Variants in NHSL1 observed in about 807,000 individuals in gnomAD.
The protein encoded by NHSL1 is NHS like 1, also known as NHS-like protein 1.
In NHSL1, 48 loss-of-function variants were observed where a neutral mutation model predicts 95.0. That is an observed-to-expected ratio of 0.51 (90% CI 0.40 to 0.64). The LOEUF (loss-of-function observed/expected upper bound fraction) is 0.64, where lower values mean the gene tolerates loss of function less well. NHSL1 is among the 30% of genes least tolerant of loss of function. The probability of loss-of-function intolerance (pLI) is 0.00; values close to 1 mark genes in which losing one functional copy is unlikely to be tolerated. For missense variants in NHSL1, 1,971 were observed against 2,077.7 expected, an observed-to-expected ratio of 0.95 and a Z score of 1.00; for synonymous variants, 783 against 833.9, an observed-to-expected ratio of 0.94 and a Z score of 1.05.
At chr6:138,576,090 T>C (rs1783967423), upstream of NHSL1, among the ~76,000 whole-genome samples, 1 of 152,036 alleles carries the variant, frequency 6.6e-6, no homozygotes, top group Admixed American at 6.6e-5. Flanking sequence ...CTCCCGGGTT[T>C]AAGCGATTCT....
upstream of NHSL1, among the ~76,000 whole-genome samples, chr6:138,692,882 G>C (rs959951559): frequency 1.3e-5 from 2 of 150,808 alleles, no homozygotes; most frequent in African/African-American, 2.4e-5. The surrounding 1 kb of genome is among the most constrained non-coding windows in gnomAD (Gnocchi z 4.0). Context: ...AGGGAAGCCT[G>C]GCGGCCCCTG....
intron 1 of NHSL1, among the ~76,000 whole-genome samples, chr6:138,554,914 AAT>A (rs1238352269): frequency 5.3e-5 from 8 of 152,222 alleles, no homozygotes; most frequent in African/African-American, 1.9e-4. Context: ...AAACTTCAGG[AAT>A]AGTGAGTTAC....
chr6:138,601,359 T>C (rs1449784670), intron 1 of NHSL1, among the ~76,000 whole-genome samples: 1 of 152,248 alleles, frequency 6.6e-6, no homozygotes, highest in Non-Finnish European at 1.5e-5. Context: ...GGCAATCTGT[T>C]AGAAAACCCT....
chr6:138,442,381 G>C (rs984912802), intron 4 of NHSL1, among the ~76,000 whole-genome samples: 1 of 152,140 alleles, frequency 6.6e-6, no homozygotes, highest in Non-Finnish European at 1.5e-5. Context: ...ATAACACACT[G>C]GAAGAGTCAC....
chr6:138,596,296 T>C (rs1784302405), intron 1 of NHSL1, among the ~76,000 whole-genome samples: 2 of 152,128 alleles, frequency 1.3e-5, no homozygotes, highest in African/African-American at 4.8e-5. Context: ...AGGGTTCCCA[T>C]CCACCAGCAC....
At chr6:138,426,859 G>A (rs541391348) in intron 7 of NHSL1, among the ~76,000 whole-genome samples, 4 of 152,310 alleles carry the variant, frequency 2.6e-5, no homozygotes, top group African/African-American at 7.2e-5. Context: ...GTTAACAAGA[G>A]CAGTCTGCCC....
intron 1 of NHSL1, among the ~76,000 whole-genome samples, chr6:138,556,867 T>A (rs777206687): frequency 6.6e-6 from 1 of 152,052 alleles, no homozygotes; most frequent in African/African-American, 2.4e-5. Context: ...AACAAGAACA[T>A]GAAATAGAAA....
chr6:138,489,158 G>A (rs1449209576), intron 2 of NHSL1, among the ~76,000 whole-genome samples: 1 of 152,080 alleles, frequency 6.6e-6, no homozygotes, highest in African/African-American at 2.4e-5. Flanking sequence ...AAATCCTGAG[G>A]CCATTTGAGA....
intron 1 of NHSL1, among the ~76,000 whole-genome samples, chr6:138,557,981 T>C (rs2128337831): frequency 6.6e-6 from 1 of 152,374 alleles, no homozygotes; most frequent in East Asian, 1.9e-4. Context: ...TTTAGAATTC[T>C]GAAAGATGAA....
chr6:138,508,177 A>G (rs946531192), intron 1 of NHSL1, among the ~76,000 whole-genome samples: 1 of 152,342 alleles, frequency 6.6e-6, no homozygotes, highest in Admixed American at 6.5e-5. Context: ...ATGCTATGAA[A>G]AAAAGAAACC....
chr6:138,635,825 C>T (rs144249696), intron 1 of NHSL1, among the ~76,000 whole-genome samples: 66 of 151,798 alleles, frequency 4.3e-4, no homozygotes, highest in South Asian at 2.5e-3. Flanking sequence ...CTCAACAATA[C>T]ATTAGAGGCC....
intron 3 of NHSL1, among the ~76,000 whole-genome samples, chr6:138,462,886 C>T (rs1778091004): frequency 6.6e-6 from 1 of 151,962 alleles, no homozygotes; most frequent in Non-Finnish European, 1.5e-5. Flanking sequence ...AAAATGTGGG[C>T]AAAGAAGTGA....
In NHSL1 at chr6:138,424,138, A is replaced by T. The variant is rs1304875033; in HGVS notation, c.4764T>A (p.Ser1588Arg). The T allele has an allele frequency of 7.0e-7, 1 of 1,435,358 alleles. No homozygotes were observed. The highest frequency in any genetic ancestry group is 1.4e-5 in the African/African-American group (1 of 69,782). The allele number at this position is 1,435,358 out of a possible 1,614,324, so 88.9% of individuals were successfully genotyped here. ...GTGGGGAGGGCTCTCTGCCCTCTGC[A>T]CTGGCTGTCCCATCCACAGGGCCGG... ...QAPGPVDGTASAEGREPSPQC... is the reference protein window; with the variant it reads ...QAPGPVDGTARAEGREPSPQC... The change falls in exon 8 of 8, where the codon AGT becomes AGA. Residue 1588 changes from serine (S) to arginine (R), a missense_variant. Coordinates refer to ENST00000343505, the MANE Select transcript of NHSL1 (RefSeq NM_001144060.2). The surrounding 1 kb of genome is among the most constrained non-coding windows in gnomAD (Gnocchi z 5.9).
At chr6:138,484,967 T>C (rs963483483) in intron 2 of NHSL1, among the ~76,000 whole-genome samples, 1 of 152,196 alleles carries the variant, frequency 6.6e-6, no homozygotes, top group East Asian at 1.9e-4. Context: ...AAATCTGATT[T>C]AAATTAAGGT....
At position 138,424,495 on chromosome 6, in the gene NHSL1, T is replaced by C. The variant is rs1326047212; in HGVS notation, c.4407A>G (p.Pro1469=). ...DAPESPSSCS[P]SKNRRAQEEW... ...CCTCCTGCGCCCTTCTGTTCTTGCT[T>C]GGGGAGCAGCTTGACGGGCTCTCGG... Residue 1469 remains proline, a synonymous_variant, in exon 8 of 8, where the codon CCA becomes CCG. Coordinates refer to ENST00000343505, the MANE Select transcript of NHSL1 (RefSeq NM_001144060.2). This position sits in a 1 kb window ranked among gnomAD's most constrained non-coding sequence, Gnocchi z 5.9. 3.7e-5 allele frequency: 57 copies of C among 1,551,354 alleles called. No homozygotes were observed. Among genetic ancestry groups the C allele is most frequent in the Non-Finnish European group, 4.9e-5 (56 of 1,146,944 alleles).
chr6:138,643,163 T>C (rs1408436212), intron 1 of NHSL1, among the ~76,000 whole-genome samples: 1 of 152,254 alleles, frequency 6.6e-6, no homozygotes, highest in African/African-American at 2.4e-5. Flanking sequence ...AACACTGTGC[T>C]AGGCCTTCTG....
At chr6:138,666,590 C>CAAAA (rs10564684) in intron 1 of NHSL1, among the ~76,000 whole-genome samples, 105 of 89,220 alleles carry the variant, frequency 1.2e-3, no homozygotes, top group Non-Finnish European at 1.6e-3. Context: ...GCCTCCATCT[C>CAAAA]AAAAAAAAAA....
In NHSL1 at chr6:138,430,795, G is replaced by A. The variant is rs1228473657; in HGVS notation, c.3550C>T (p.Pro1184Ser). ...ARPSPSTTPLPDSSPSRKPPP... is the reference protein window; with the variant it reads ...ARPSPSTTPLSDSSPSRKPPP... ...GGCTTCCTGCTGGGTGAAGAGTCTG[G>A]GAGTGGGGTGGTGCTGGGGCTGGGC... is the stretch of plus-strand genomic sequence containing the variant. The change falls in exon 6 of 8, where the codon CCA becomes TCA. Residue 1184 changes from proline to serine, a missense_variant. Pro to Ser is a moderately conservative substitution (Grantham distance 74). Coordinates refer to ENST00000343505, the MANE Select transcript of NHSL1 (RefSeq NM_001144060.2). The surrounding 1 kb of genome is among the most constrained non-coding windows in gnomAD (Gnocchi z 4.7). 11 of 1,551,414 alleles carry A rather than the reference G, an allele frequency of 7.1e-6. No homozygotes were observed. The Admixed American group carries it at 2.0e-4, about 28-fold the overall frequency.
At chr6:138,637,192 A>G (rs1037997573) in intron 1 of NHSL1, among the ~76,000 whole-genome samples, 1 of 152,202 alleles carries the variant, frequency 6.6e-6, no homozygotes, top group Admixed American at 6.6e-5. Context: ...CTGGATATCC[A>G]TAGGCAGAAT....
Sources: allele counts gnomAD v4.1 joint callset (sites outside exome capture counted in the v4.1 genomes callset), GRCh38; gene constraint gnomAD v4.1.1; non-coding constraint Gnocchi (gnomAD v3.1); transcripts MANE v1.5; gene names NCBI Gene and HGNC (gene_info 2026-07-23, HGNC 2026-07-21).